Variants in DHRSX observed in about 807,000 individuals in gnomAD.
DHRSX encodes dehydrogenase/reductase X-linked.
DHRSX carries 31 observed loss-of-function variants against 34.0 expected under a neutral mutation model. The observed-to-expected ratio is 0.91, with a 90% confidence interval of 0.69 to 1.23. The LOEUF (loss-of-function observed/expected upper bound fraction) is 1.23, where lower values mean the gene tolerates loss of function less well. DHRSX is among the 50% of genes most tolerant of loss of function. The pLI, the probability that DHRSX is intolerant of heterozygous loss-of-function variation, is 0.00. For missense variants in DHRSX, 414 were observed against 428.1 expected, an observed-to-expected ratio of 0.97 and a Z score of 0.29; for synonymous variants, 201 against 183.8, an observed-to-expected ratio of 1.09 and a Z score of -0.76.
At chrX:2,380,568 G>A (rs1336510637) in intron 3 of DHRSX, among the ~76,000 whole-genome samples, 6 of 152,084 alleles carry the variant, frequency 3.9e-5, no homozygotes, top group African/African-American at 1.2e-4. Context: ...CAAATCTCAC[G>A]TTGAATTGTA....
intron 1 of DHRSX, among the ~76,000 whole-genome samples, chrX:2,462,128 T>G (rs2044410323): frequency 6.6e-6 from 1 of 151,774 alleles, no homozygotes; most frequent in South Asian, 2.1e-4. Flanking sequence ...GCCCCCAGTG[T>G]TAGATCTGAA....
chrX:2,224,880 C>T (rs748776128), intron 6 of DHRSX, among the ~76,000 whole-genome samples: 199 of 142,620 alleles, frequency 1.4e-3, no homozygotes, highest in Admixed American at 2.5e-3. Flanking sequence ...ACAGCTCACA[C>T]GCACACATGC....
intron 3 of DHRSX, among the ~76,000 whole-genome samples, chrX:2,302,800 A>G (rs1394956410): frequency 6.6e-6 from 1 of 152,106 alleles, no homozygotes; most frequent in Non-Finnish European, 1.5e-5. Flanking sequence ...TGTTCAATCC[A>G]ATGACTTAAA....
rs754680465 is a variant in DHRSX at position 2,294,787 on chromosome X, AAG to A, written c.287-3186_287-3185del. 3.3e-4 allele frequency among the ~76,000 whole-genome samples: 47 copies of A among 144,134 alleles called. No individual in the cohort carries two copies. The South Asian group carries it at 5.1e-3, about 16-fold the overall frequency. 94.6% of individuals were successfully genotyped at this position (144,134 alleles called of 152,430 possible). On this transcript the variant is annotated intron_variant, in intron 3 of 6. Coordinates refer to ENST00000334651, the MANE Select transcript of DHRSX (RefSeq NM_145177.3). ...GAGAAAGAGAGAGAGAGAGAGGAAA[AAG>A]AGAGGGAGAGAGAGAGAGGAAAAAG...
chrX:2,347,195 C>T (rs1321070516), intron 3 of DHRSX, among the ~76,000 whole-genome samples: 1 of 152,144 alleles, frequency 6.6e-6, no homozygotes, highest in African/African-American at 2.4e-5. Context: ...GGAAGCCTCA[C>T]AATCATGGTG....
intron 5 of DHRSX, among the ~76,000 whole-genome samples, chrX:2,259,458 TAAAC>T (rs1414922693): frequency 1.3e-5 from 2 of 150,722 alleles, no homozygotes; most frequent in Admixed American, 6.6e-5. Flanking sequence ...TACAAATAAA[TAAAC>T]AAAAAATGTT....
At chrX:2,224,918 C>G (rs1215668495) in intron 6 of DHRSX, among the ~76,000 whole-genome samples, 1 of 150,718 alleles carries the variant, frequency 6.6e-6, no homozygotes, top group Non-Finnish European at 1.5e-5. Context: ...CACGTACACA[C>G]ACATTCACAT....
chrX:2,257,081 G>A (rs1276087682), intron 5 of DHRSX, among the ~76,000 whole-genome samples: 1 of 152,016 alleles, frequency 6.6e-6, no homozygotes, highest in Admixed American at 6.6e-5. Context: ...TCAGCCTTCC[G>A]AGTAGCAGGG....
Position 2,291,440 on chromosome X carries a change from G to A in DHRSX, c.388+62C>T, listed in dbSNP as rs763684418. 5.7e-4 allele frequency: 737 copies of A among 1,293,490 alleles called. 1 individual carries two copies. Among genetic ancestry groups the A allele is most frequent in the Middle Eastern group, 1.7e-3 (9 of 5,414 alleles). 80.1% of individuals were successfully genotyped at this position (1,293,490 alleles called of 1,614,324 possible). Reference sequence around the variant, plus strand: ...GCTGAGACACTTCTCCCGCATGAAAGCTAGAGTTCCTGTTTGCATTCAAAT... The same window carrying A: ...GCTGAGACACTTCTCCCGCATGAAAACTAGAGTTCCTGTTTGCATTCAAAT... On this transcript the variant is annotated intron_variant, in intron 4 of 6. Transcript: ENST00000334651.
At chrX:2,399,724 G>GAAAAAAAAAAAAA (rs2043461171) in intron 3 of DHRSX, among the ~76,000 whole-genome samples, 1 of 25,012 alleles carries the variant, frequency 4.0e-5, no homozygotes, top group Non-Finnish European at 6.4e-5. Flanking sequence ...CAAACAAAAA[G>GAAAAAAAAAAAAA]CAAAAAAAAA....
At chrX:2,481,611 A>C (rs1035331475) in intron 1 of DHRSX, among the ~76,000 whole-genome samples, 5 of 152,014 alleles carry the variant, frequency 3.3e-5, no homozygotes, top group African/African-American at 1.2e-4. Context: ...GGTTTCTGTG[A>C]GCCGAGATCG....
At chrX:2,490,031 G>T (rs1200434388) in intron 1 of DHRSX, 9 of 1,613,708 alleles carry the variant, frequency 5.6e-6, no homozygotes, top group Non-Finnish European at 6.8e-6. Context: ...CAGGCAGCGG[G>T]AGCCCATGGA....
At chrX:2,422,178 A>G (rs4892863) in intron 2 of DHRSX, among the ~76,000 whole-genome samples, 122,527 of 152,188 alleles carry the variant, frequency 0.81, 49,896 homozygotes, top group East Asian at 0.94. Flanking sequence ...TTTATGATCC[A>G]TGATCATCTT....
chrX:2,266,640 C>T, intron 5 of DHRSX, 100 bp downstream of exon 5: 1 of 1,197,590 alleles, frequency 8.4e-7, no homozygotes, highest in Non-Finnish European at 1.2e-6. Context: ...GCACCAGCGT[C>T]CAGCAGATGC....
At chrX:2,285,052 T>C (rs1461149602) in intron 4 of DHRSX, among the ~76,000 whole-genome samples, 1 of 152,240 alleles carries the variant, frequency 6.6e-6, no homozygotes, top group East Asian at 1.9e-4. Context: ...GGAAATAGTT[T>C]AGGGCAGCAG....
At chrX:2,343,366 G>A (rs2042663550) in intron 3 of DHRSX, among the ~76,000 whole-genome samples, 1 of 152,128 alleles carries the variant, frequency 6.6e-6, no homozygotes, top group Non-Finnish European at 1.5e-5. Flanking sequence ...TGTAGAGCAC[G>A]CTTGACATAA....
intron 6 of DHRSX, among the ~76,000 whole-genome samples, chrX:2,225,336 A>G (rs953138597): frequency 1.3e-5 from 2 of 151,250 alleles, no homozygotes; most frequent in Admixed American, 1.3e-4. Flanking sequence ...ACGCACCCTC[A>G]TTCACAAGTA....
At chrX:2,227,642 AGAAGGAAAGGAGGAAG>A (rs987637489) in intron 6 of DHRSX, among the ~76,000 whole-genome samples, 1 of 115,896 alleles carries the variant, frequency 8.6e-6, no homozygotes, top group Non-Finnish European at 1.8e-5. Context: ...CAGGAAGCAA[AGAAGGAAAGGAGGAAG>A]GAAGGAAAAG....
intron 5 of DHRSX, among the ~76,000 whole-genome samples, chrX:2,263,492 A>G (rs1296685720): frequency 6.6e-6 from 1 of 151,028 alleles, no homozygotes; most frequent in Non-Finnish European, 1.5e-5. Flanking sequence ...TAAGCCACCC[A>G]AACTATGGAA....
Sources: gnomAD v4.1 joint callset for allele counts (sites outside exome capture counted in the v4.1 genomes callset) on GRCh38, gnomAD v4.1.1 for gene constraint, MANE v1.5 for transcripts, NCBI Gene and HGNC (gene_info 2026-07-23, HGNC 2026-07-21) for gene names.